GRIN2B: variants seen among roughly 807,000 people sequenced by gnomAD.
GRIN2B encodes glutamate ionotropic receptor NMDA type subunit 2B, also known as glutamate receptor ionotropic, NMDA 2B.
Under a neutral mutation model 114.5 loss-of-function variants are expected in GRIN2B, and 5 were observed. The ratio of observed to expected loss-of-function variants is 0.04; its 90% CI spans 0.02 to 0.09. GRIN2B has a LOEUF of 0.09. Ranked by LOEUF, GRIN2B falls within the 10% of genes least tolerant of loss-of-function variation. The probability of loss-of-function intolerance (pLI) is 1.00; values close to 1 mark genes in which losing one functional copy is unlikely to be tolerated. For missense variants in GRIN2B, 1,108 were observed against 1,943.5 expected (o/e 0.57, Z 8.08); for synonymous variants, 787 against 745.1 (o/e 1.06, Z -0.92).
chr12:13,777,171 G>A (rs1864021186), intron 3 of GRIN2B, among the ~76,000 whole-genome samples: 1 of 152,100 alleles, frequency 6.6e-6, no homozygotes, highest in Non-Finnish European at 1.5e-5. Flanking sequence ...CCTTTGGAAT[G>A]TCCCCTCCTG....
intron 5 of GRIN2B, among the ~76,000 whole-genome samples, chr12:13,645,673 CT>C (rs145479200): frequency 0.031 from 4,583 of 148,930 alleles, 243 homozygotes; most frequent in African/African-American, 0.11. Flanking sequence ...CCTCCTCTTC[CT>C]TTTTTTTTTC....
chr12:13,715,602 A>G (rs1950447967), intron 4 of GRIN2B, among the ~76,000 whole-genome samples: 1 of 151,906 alleles, frequency 6.6e-6, no homozygotes, highest in African/African-American at 2.4e-5. Context: ...TCATTGAACT[A>G]TATCTCTCTA....
intron 5 of GRIN2B, among the ~76,000 whole-genome samples, chr12:13,663,987 G>C (rs1055910642): frequency 2.0e-5 from 3 of 152,110 alleles, no homozygotes; most frequent in Non-Finnish European, 4.4e-5. Context: ...TTTGAGGTAG[G>C]TGCTATTATA....
chr12:13,852,511 GA>G (rs2045944841), intron 3 of GRIN2B, among the ~76,000 whole-genome samples: 2 of 151,954 alleles, frequency 1.3e-5, no homozygotes, highest in African/African-American at 2.4e-5. Flanking sequence ...CCTATCAAAA[GA>G]AAAGGATGCC....
intron 5 of GRIN2B, among the ~76,000 whole-genome samples, chr12:13,619,810 C>T (rs943001241): frequency 2.0e-5 from 3 of 152,098 alleles, no homozygotes; most frequent in Non-Finnish European, 4.4e-5. Flanking sequence ...GATGACTTGC[C>T]CAAGCTCCCA....
chr12:13,861,372 T>C (rs924093464), intron 3 of GRIN2B, among the ~76,000 whole-genome samples: 2 of 152,292 alleles, frequency 1.3e-5, no homozygotes, highest in Non-Finnish European at 2.9e-5. Context: ...AGACAATCAG[T>C]AGAAAAACCT....
chr12:13,601,581 A>T (rs1949162407), intron 10 of GRIN2B, among the ~76,000 whole-genome samples: 1 of 151,024 alleles, frequency 6.6e-6, no homozygotes. Context: ...ATGTGGCTAT[A>T]TCTTTGGGAG....
chr12:13,781,342 T>C (rs1225279128), intron 3 of GRIN2B, among the ~76,000 whole-genome samples: 1 of 152,198 alleles, frequency 6.6e-6, no homozygotes, highest in Non-Finnish European at 1.5e-5. Flanking sequence ...ATGTTTGGCT[T>C]ACTTTGGATA....
chr12:13,766,578 T>C (rs1863794065), intron 3 of GRIN2B, among the ~76,000 whole-genome samples: 1 of 152,204 alleles, frequency 6.6e-6, no homozygotes, highest in South Asian at 2.1e-4. Flanking sequence ...CACGTCCAAA[T>C]CACAGCTACA....
intron 4 of GRIN2B, among the ~76,000 whole-genome samples, 192 bp from the exon 5 acceptor site, chr12:13,676,051 A>G (rs2136541272): frequency 6.6e-6 from 1 of 152,284 alleles, no homozygotes; most frequent in African/African-American, 2.4e-5. Context: ...TTCACATAGT[A>G]GGAATCACAT....
In GRIN2B at chr12:13,909,976, A is replaced by G. The variant is rs140820967; in HGVS notation, c.-18-43750T>C. Among the ~76,000 whole-genome samples, 87 of 152,346 alleles carry G rather than the reference A, an allele frequency of 5.7e-4. 1 individual carries two copies. The highest frequency in any genetic ancestry group is 1.8e-3 in the African/African-American group (75 of 41,590). On this transcript the variant is annotated intron_variant, in intron 2 of 13. Coordinates refer to ENST00000609686, the MANE Select transcript of GRIN2B (RefSeq NM_000834.5). ...GAAACAATCTCCAATTAAGCCAACT[A>G]AAATATTTACCTAGACAAACTAAGA...
At chr12:13,941,773 GT>G (rs1565594678) in intron 2 of GRIN2B, among the ~76,000 whole-genome samples, 3 of 152,206 alleles carry the variant, frequency 2.0e-5, no homozygotes, top group African/African-American at 7.2e-5. Flanking sequence ...CTAGATCTAC[GT>G]GTGTGCAAAC....
chr12:13,564,255 C>A lies in GRIN2B; in HGVS notation c.2983G>T (p.Gly995Cys). 1 of 1,614,146 alleles carries A rather than the reference C, an allele frequency of 6.2e-7. No homozygotes were observed. The highest frequency in any genetic ancestry group is 2.2e-5 in the East Asian group (1 of 44,864). Residue 995 changes from glycine to cysteine, a missense_variant, in exon 14 of 14, where the codon GGC (glycine) becomes TGC (cysteine). By Grantham distance (159) the Gly-to-Cys change is radical. This residue lies in a region of GRIN2B where 140 missense variants were observed against 187.5 expected (regional missense o/e 0.75). Transcript: ENST00000609686. This position sits in a 1 kb window ranked among gnomAD's most constrained non-coding sequence, Gnocchi z 4.8. Reference sequence around the variant, plus strand: ...AGCCCATCGATGGAGCTGGCACTGCCAATACTATGGGGCCGGTGGTGATGG... The same window carrying A: ...AGCCCATCGATGGAGCTGGCACTGCAAATACTATGGGGCCGGTGGTGATGG... ...YHHHHRPHSI[G>C]SASSIDGLYD...
rs187695887 is a variant in GRIN2B, at chr12:13,844,328, T to C, written c.411+21470A>G. On this transcript the variant is annotated intron_variant, in intron 3 of 13. Transcript: ENST00000609686. ...TCTGTATGGGCCTATGAATTCCTCA[T>C]TCTAGATAGCTGCCCAACCTTTCCA... Among the ~76,000 whole-genome samples the C allele has an allele frequency of 3.1e-3, 476 of 152,324 alleles. 1 individual carries two copies. The highest frequency in any genetic ancestry group is 5.1e-3 in the Non-Finnish European group (349 of 68,020).
At chr12:13,756,206 G>A (rs990757075) in intron 3 of GRIN2B, among the ~76,000 whole-genome samples, 1 of 151,902 alleles carries the variant, frequency 6.6e-6, no homozygotes, top group African/African-American at 2.4e-5. Context: ...AGTAGAGAAG[G>A]GGTTTCACCA....
At position 13,563,360 on chromosome 12, in the gene GRIN2B, T is replaced by C. The variant is rs749655702; in HGVS notation, c.3878A>G (p.Lys1293Arg). ...CTGCCGGCGCAGTTTGTTCCGGTTC[T>C]TCTTCTGGGCCTTGGAATTAGTCGG... is the stretch of plus-strand genomic sequence containing the variant. ...QSPTNSKAQK[K>R]NRNKLRRQHS... Residue 1293 changes from lysine to arginine, a missense_variant, in exon 14 of 14, where the codon AAG (lysine) becomes AGG (arginine). By Grantham distance (26) the Lys-to-Arg change is conservative. Around this residue, in one of 19 missense-constraint regions of GRIN2B, gnomAD observed 478 missense variants for 506.0 expected, o/e 0.94. Transcript: ENST00000609686. The C allele has an allele frequency of 1.2e-6, 2 of 1,614,194 alleles. No individual in the cohort carries two copies. Among genetic ancestry groups the C allele is most frequent in the Non-Finnish European group, 1.7e-6 (2 of 1,180,036 alleles).
chr12:13,650,235 A>G (rs1307190892), intron 5 of GRIN2B, among the ~76,000 whole-genome samples: 1 of 152,004 alleles, frequency 6.6e-6, no homozygotes, highest in Non-Finnish European at 1.5e-5. Context: ...CTCCCTTCAT[A>G]TGAAAGTATT....
intron 2 of GRIN2B, among the ~76,000 whole-genome samples, chr12:13,964,238 C>T (rs1867749764): frequency 6.6e-6 from 1 of 152,224 alleles, no homozygotes; most frequent in Non-Finnish European, 1.5e-5. Context: ...GGCCAGATAG[C>T]TGGGCTCCTA....
At chr12:13,630,800 G>A (rs1053914047) in intron 5 of GRIN2B, among the ~76,000 whole-genome samples, 84 of 152,238 alleles carry the variant, frequency 5.5e-4, no homozygotes, top group African/African-American at 1.9e-3. Context: ...ACTAAGTTTC[G>A]AGGTGGTTGT....
Sources: allele counts gnomAD v4.1 joint callset (sites outside exome capture counted in the v4.1 genomes callset), GRCh38; gene constraint gnomAD v4.1.1; regional missense constraint gnomAD v4.1.1; non-coding constraint Gnocchi (gnomAD v3.1); transcripts MANE v1.5; gene names NCBI Gene and HGNC (gene_info 2026-07-23, HGNC 2026-07-21).